DCTN4: variants seen among roughly 807,000 people sequenced by gnomAD.
The protein encoded by DCTN4 is dynactin 4 (p62).
A neutral mutation model predicts 62.7 loss-of-function variants in DCTN4; 23 were observed. The observed-to-expected ratio is 0.37, with a 90% CI of 0.26 to 0.52. The LOEUF (loss-of-function observed/expected upper bound fraction) is 0.52, where lower values mean the gene tolerates loss of function less well. Ranked by LOEUF, DCTN4 falls within the 20% of genes least tolerant of loss-of-function variation. The pLI is 0.92. For synonymous variants in DCTN4, 199 were observed against 202.1 expected, an observed-to-expected ratio of 0.98 and a Z score of 0.13; for missense variants, 514 against 580.4, an observed-to-expected ratio of 0.89 and a Z score of 1.18.
At chr5:150,735,682 C>T (rs1474551887) in intron 4 of DCTN4, among the ~76,000 whole-genome samples, 3 of 152,144 alleles carry the variant, frequency 2.0e-5, no homozygotes, top group Admixed American at 2.0e-4. Flanking sequence ...CAGATCTTTC[C>T]TCTGACATAG....
chr5:150,744,825 G>A lies in DCTN4; in HGVS notation c.386-2668C>T, dbSNP rs944432377. On this transcript the variant is annotated intron_variant, in intron 3 of 12. Coordinates refer to ENST00000447998, the MANE Select transcript of DCTN4 (RefSeq NM_016221.4). ...TGGAAAGGCACAACCGGTACCAGCC[G>A]CTGCAAAATCATGCCAAAATGTAAA... 1.0e-3 allele frequency among the ~76,000 whole-genome samples: 158 copies of A among 151,966 alleles called. 1 individual carries two copies. Among genetic ancestry groups the A allele is most frequent in the Non-Finnish European group, 1.1e-3 (77 of 67,974 alleles).
chr5:150,738,347 A>G (rs771215969), intron 4 of DCTN4, among the ~76,000 whole-genome samples: 1 of 152,212 alleles, frequency 6.6e-6, no homozygotes, highest in Non-Finnish European at 1.5e-5. Flanking sequence ...CCTGATGAAC[A>G]TGGATGCAAA....
chr5:150,739,454 T>G lies in DCTN4; in HGVS notation c.429+2660A>C, dbSNP rs529761988. ...GATAACACAAACAAATGGAAACATA[T>G]CCCATGCTCATGGCTGGGTAGAATA... On this transcript the variant is annotated intron_variant, in intron 4 of 12. Transcript: ENST00000447998. 4.6e-5 allele frequency among the ~76,000 whole-genome samples: 7 copies of G among 152,268 alleles called. No individual in the cohort carries two copies. In the East Asian group the frequency reaches 1.3e-3, roughly 29 times the overall value.
intron 3 of DCTN4, among the ~76,000 whole-genome samples, chr5:150,744,633 A>T (rs1388438779): frequency 1.3e-5 from 2 of 151,838 alleles, no homozygotes; most frequent in Non-Finnish European, 2.9e-5. Context: ...GGGGGCCAAT[A>T]TTCAACATTC....
rs887516461 is a variant in DCTN4 at position 150,731,169 on chromosome 5, A to C, written c.612-13T>G. 7 of 1,555,760 alleles carry C rather than the reference A, an allele frequency of 4.5e-6. No individual in the cohort carries two copies. In the African/African-American group the frequency reaches 5.4e-5, roughly 12 times the overall value. On this transcript the variant is annotated splice_polypyrimidine_tract_variant and intron_variant, in intron 6 of 12. Coordinates refer to ENST00000447998, the MANE Select transcript of DCTN4 (RefSeq NM_016221.4). Reference sequence around the variant, plus strand: ...TCCTTCTTTAAGGCTGAAAAATTAAAAAAACAAAACAAAACAAAACAAAAG... The same window carrying C: ...TCCTTCTTTAAGGCTGAAAAATTAACAAAACAAAACAAAACAAAACAAAAG...
At chr5:150,756,522 G>A in intron 1 of DCTN4, 35 bp from the exon 2 acceptor site, 1 of 1,407,930 alleles carries the variant, frequency 7.1e-7, no homozygotes, top group Non-Finnish European at 9.8e-7. Flanking sequence ...AAAAACCAGA[G>A]GAGAACTCAG....
intron 4 of DCTN4, among the ~76,000 whole-genome samples, chr5:150,739,978 G>T (rs942117304): frequency 6.6e-6 from 1 of 152,098 alleles, no homozygotes; most frequent in Admixed American, 6.5e-5. Flanking sequence ...AAAAATTCTA[G>T]AAGATAACAT....
chr5:150,735,530 T>C (rs1018799298), intron 4 of DCTN4, among the ~76,000 whole-genome samples: 2 of 152,200 alleles, frequency 1.3e-5, no homozygotes, highest in Admixed American at 1.3e-4. Context: ...GCTCGGAGAC[T>C]GATAGCTCTG....
chr5:150,715,520 AT>A, intron 12 of DCTN4, 44 bp downstream of exon 12: 1 of 1,482,676 alleles, frequency 6.7e-7, no homozygotes. Flanking sequence ...TGGGCATTCT[AT>A]TATCAGCCAT....
At chr5:150,753,797 C>G (rs902376782) in intron 2 of DCTN4, 140 bp from the exon 3 acceptor site, 7 of 784,930 alleles carry the variant, frequency 8.9e-6, no homozygotes, top group Non-Finnish European at 1.4e-5. Context: ...TTTAACAGTT[C>G]AAGAGTACTA....
intron 3 of DCTN4, among the ~76,000 whole-genome samples, chr5:150,750,422 T>C (rs1482200829): frequency 1.3e-5 from 2 of 152,236 alleles, no homozygotes; most frequent in Non-Finnish European, 2.9e-5. Flanking sequence ...GTGCTAAGGA[T>C]GTACACAACT....
intron 8 of DCTN4, among the ~76,000 whole-genome samples, chr5:150,725,487 A>T (rs1394423890): frequency 2.0e-5 from 3 of 151,678 alleles, no homozygotes; most frequent in Non-Finnish European, 4.4e-5. Context: ...AATTTACTGT[A>T]TTTTATATTA....
At chr5:150,748,385 C>T (rs990701775) in intron 3 of DCTN4, among the ~76,000 whole-genome samples, 151 of 152,224 alleles carry the variant, frequency 9.9e-4, no homozygotes, top group African/African-American at 3.4e-3. Flanking sequence ...GTGGCGATTC[C>T]TCAGGGATCT....
intron 3 of DCTN4, among the ~76,000 whole-genome samples, chr5:150,747,752 A>G (rs1380322454): frequency 2.0e-5 from 3 of 149,892 alleles, no homozygotes; most frequent in Non-Finnish European, 4.5e-5. Flanking sequence ...GAAAGCTGAA[A>G]CTGGATCCCT....
In DCTN4 at chr5:150,753,592, G is replaced by T; in HGVS notation, c.272C>A (p.Ser91Tyr). Residue 91 changes from serine to tyrosine, a missense_variant, in exon 3 of 13, where the codon TCC becomes TAC. Transcript: ENST00000447998. The stretch of plus-strand genomic sequence containing the variant: ...GGCTGGGTCATCTGGAAGCTGTGTG[G>T]AGATGCTCGTGGCCCGAGTAGAGAG... Reference protein sequence around the residue: ...HTLSTRATSISTQLPDDPAKT... With the variant: ...HTLSTRATSIYTQLPDDPAKT... 1 of 1,614,058 alleles carries T rather than the reference G, an allele frequency of 6.2e-7. No homozygotes were observed. The highest frequency in any genetic ancestry group is 8.5e-7 in the Non-Finnish European group (1 of 1,179,986).
intron 1 of DCTN4, 120 bp downstream of exon 1, chr5:150,758,739 G>A: frequency 7.0e-7 from 1 of 1,435,028 alleles, no homozygotes; most frequent in Non-Finnish European, 9.4e-7. Context: ...AAACCCGAGT[G>A]ACGGAAGACA....
intron 12 of DCTN4, among the ~76,000 whole-genome samples, chr5:150,714,423 G>C (rs529317201): frequency 6.6e-6 from 1 of 151,766 alleles, no homozygotes; most frequent in Non-Finnish European, 1.5e-5. Context: ...CTGTTGCCCA[G>C]GCTGGAGTAC....
At position 150,722,921 on chromosome 5, in the gene DCTN4, G is replaced by C; in HGVS notation, c.894C>G (p.Ile298Met). 1 of 1,612,322 alleles carries C rather than the reference G, an allele frequency of 6.2e-7. No individual in the cohort carries two copies. The highest frequency in any genetic ancestry group is 8.5e-7 in the Non-Finnish European group (1 of 1,179,218). Residue 298 changes from isoleucine (I) to methionine (M), a missense_variant, in exon 9 of 13, where the codon ATC (isoleucine) becomes ATG (methionine). Physicochemically the swap from Ile to Met is conservative, Grantham distance 10. Transcript: ENST00000447998. ...AAAATACTTACACAGCGACCAGCTGGATTTTGAATTTGATTGACGTTGGGT... is the reference window on the plus strand; with the variant it reads ...AAAATACTTACACAGCGACCAGCTGCATTTTGAATTTGATTGACGTTGGGT... Reference protein sequence around the residue: ...EFNPTSIKFKIQLVAVNYIPE... With the variant: ...EFNPTSIKFKMQLVAVNYIPE...
intron 1 of DCTN4, among the ~76,000 whole-genome samples, chr5:150,757,182 G>C (rs1167388165): frequency 6.6e-6 from 1 of 152,160 alleles, no homozygotes; most frequent in Non-Finnish European, 1.5e-5. Context: ...TACTATGATA[G>C]AAACTGGCTT....
Sources: gnomAD v4.1 joint callset for allele counts (sites outside exome capture counted in the v4.1 genomes callset) on GRCh38, gnomAD v4.1.1 for gene constraint, MANE v1.5 for transcripts, NCBI Gene and HGNC (gene_info 2026-07-23, HGNC 2026-07-21) for gene names.